KANK1: variants seen among roughly 807,000 people sequenced by gnomAD.
KANK1 encodes the protein KN motif and ankyrin repeat domains 1.
KANK1 carries 109 observed loss-of-function variants against 106.2 expected under a neutral mutation model. That is an observed-to-expected ratio of 1.03 (90% confidence interval 0.88 to 1.20). The LOEUF is 1.20. KANK1 is among the 50% of genes most tolerant of loss of function. The pLI, the probability that KANK1 is intolerant of heterozygous loss-of-function variation, is 0.00. For missense variants in KANK1, 2,399 were observed against 1,710.7 expected (o/e 1.40, Z -7.10); for synonymous variants, 873 against 652.2 (o/e 1.34, Z -5.16).
chr9:631,589 C>T (rs572378039), intron 1 of KANK1, among the ~76,000 whole-genome samples: 1 of 152,276 alleles, frequency 6.6e-6, no homozygotes, highest in South Asian at 2.1e-4. Context: ...TTTTCCTCAT[C>T]TCAGCCAGAG....
intron 1 of KANK1, among the ~76,000 whole-genome samples, chr9:552,830 A>G (rs560227571): frequency 6.6e-6 from 1 of 152,340 alleles, no homozygotes; most frequent in East Asian, 1.9e-4. Flanking sequence ...TTTTTCTACC[A>G]TGTGATCCTT....
chr9:492,946 C>T (rs2058400837), intron 3 of KANK1, among the ~76,000 whole-genome samples: 1 of 151,150 alleles, frequency 6.6e-6, no homozygotes, highest in Non-Finnish European at 1.5e-5. Flanking sequence ...ATCACTTGAA[C>T]TCAGGAGGCA....
intron 1 of KANK1, among the ~76,000 whole-genome samples, chr9:539,319 A>G (rs1221572274): frequency 1.3e-5 from 2 of 152,206 alleles, no homozygotes; most frequent in Non-Finnish European, 2.9e-5. Flanking sequence ...ATAGTATTAA[A>G]TCTGTAGGTC....
intron 1 of KANK1, among the ~76,000 whole-genome samples, chr9:550,188 C>T (rs956446247): frequency 1.1e-4 from 16 of 151,810 alleles, no homozygotes; most frequent in Non-Finnish European, 1.8e-4. Flanking sequence ...GTGGTAGGTT[C>T]CCCCACCCCA....
chr9:513,225 A>G (rs369830701), intron 1 of KANK1, among the ~76,000 whole-genome samples: 76 of 152,354 alleles, frequency 5.0e-4, no homozygotes, highest in African/African-American at 1.8e-3. Flanking sequence ...TACACTTAGC[A>G]TTTAAATTAT....
intron 1 of KANK1, among the ~76,000 whole-genome samples, chr9:587,896 T>C (rs1201087966): frequency 2.6e-5 from 4 of 152,006 alleles, no homozygotes; most frequent in Non-Finnish European, 5.9e-5. Flanking sequence ...CGAAACCCCG[T>C]CTCTAATAAA....
At chr9:581,022 C>G (rs1821980014) in intron 1 of KANK1, among the ~76,000 whole-genome samples, 1 of 151,936 alleles carries the variant, frequency 6.6e-6, no homozygotes, top group African/African-American at 2.4e-5. Context: ...GAGTGCTAAG[C>G]CCCTCACTGC....
chr9:552,543 G>A (rs550998886), intron 1 of KANK1, among the ~76,000 whole-genome samples: 6 of 152,232 alleles, frequency 3.9e-5, no homozygotes, highest in Admixed American at 1.3e-4. Context: ...TTAATATGAC[G>A]TTATTAGCTG....
intron 1 of KANK1, among the ~76,000 whole-genome samples, chr9:632,621 A>T (rs12337193): frequency 0.3 from 45,159 of 151,844 alleles, 7,554 homozygotes; most frequent in East Asian, 0.58. Context: ...CACACTGAGG[A>T]TTTATCTTGT....
At chr9:564,735 C>T (rs921177327) in intron 1 of KANK1, among the ~76,000 whole-genome samples, 6 of 152,204 alleles carry the variant, frequency 3.9e-5, no homozygotes, top group Non-Finnish European at 7.3e-5. Flanking sequence ...TCAGGAGATG[C>T]CCTTACTGTT....
intron 1 of KANK1, among the ~76,000 whole-genome samples, chr9:580,919 G>C (rs1821943710): frequency 6.6e-6 from 1 of 152,210 alleles, no homozygotes; most frequent in Admixed American, 6.5e-5. Context: ...TTGCCCCACG[G>C]GGAGGCAGCT....
intron 3 of KANK1, among the ~76,000 whole-genome samples, chr9:473,663 A>G (rs1245220211): frequency 6.6e-6 from 1 of 152,056 alleles, no homozygotes; most frequent in Admixed American, 6.5e-5. Context: ...TCATCTGGGT[A>G]TGTGTTCAGG....
intron 2 of KANK1, chr9:677,731 A>G (rs1396102091): frequency 1.3e-5 from 2 of 152,210 alleles, no homozygotes; most frequent in African/African-American, 2.4e-5. Context: ...GTAATTGTCT[A>G]TGCAGAAATT....
At chr9:701,146 C>T (rs1399545572) in intron 2 of KANK1, among the ~76,000 whole-genome samples, 1 of 152,052 alleles carries the variant, frequency 6.6e-6, no homozygotes, top group Non-Finnish European at 1.5e-5. Context: ...AATGGAGTTT[C>T]ACTCTTGCCC....
intron 1 of KANK1, among the ~76,000 whole-genome samples, chr9:600,376 T>A (rs1827437290): frequency 6.6e-6 from 1 of 151,842 alleles, no homozygotes; most frequent in Non-Finnish European, 1.5e-5. Context: ...TTCATTCCTT[T>A]CTAAGGCTGA....
chr9:699,872 C>G (rs1226739896), intron 2 of KANK1, among the ~76,000 whole-genome samples: 2 of 152,162 alleles, frequency 1.3e-5, no homozygotes, highest in Admixed American at 6.5e-5. Flanking sequence ...GTCCTAGCTA[C>G]TAGAGAGGCT....
chr9:596,217 C>T (rs1041630581), intron 1 of KANK1, among the ~76,000 whole-genome samples: 1 of 151,798 alleles, frequency 6.6e-6, no homozygotes, highest in African/African-American at 2.4e-5. Context: ...GATTTTGGAG[C>T]ATTTCTATTT....
chr9:608,390 C>G (rs1829818486), intron 1 of KANK1, among the ~76,000 whole-genome samples: 1 of 151,258 alleles, frequency 6.6e-6, no homozygotes, highest in Admixed American at 6.6e-5. Flanking sequence ...TAGACCAACT[C>G]TCCTTTATCA....
Position 714,108 on chromosome 9 carries a change from G to T in KANK1, c.2698+644G>T, listed in dbSNP as rs577283277. On this transcript the variant is annotated intron_variant, in intron 3 of 11. Transcript: ENST00000382297. ...ATGAAGTAAAAATCATTATTACTTG[G>T]ATTCCTACTCTGTCTCAAGCTATAG... Among the ~76,000 whole-genome samples the T allele has an allele frequency of 9.9e-5, 15 of 152,162 alleles. No homozygotes were observed. In the East Asian group the frequency reaches 2.9e-3, roughly 29 times the overall value.
Sources: gnomAD v4.1 joint callset for allele counts (sites outside exome capture counted in the v4.1 genomes callset) on GRCh38, gnomAD v4.1.1 for gene constraint, MANE v1.5 for transcripts, NCBI Gene and HGNC (gene_info 2026-07-23, HGNC 2026-07-21) for gene names.